NSUN7: variants seen among roughly 807,000 people sequenced by gnomAD.
The protein encoded by NSUN7 is protein NSUN7.
Under a neutral mutation model 58.5 loss-of-function variants are expected in NSUN7, and 39 were observed. The observed-to-expected ratio is 0.67, with a 90% CI of 0.52 to 0.87. The LOEUF (loss-of-function observed/expected upper bound fraction) is 0.87. Among genes scored for constraint, NSUN7 ranks in the 40% least tolerant of loss-of-function variants. NSUN7 has a pLI of 0.00. For missense variants in NSUN7, 765 were observed against 844.1 expected, an observed-to-expected ratio of 0.91 and a Z score of 1.16; for synonymous variants, 278 against 303.7, an observed-to-expected ratio of 0.92 and a Z score of 0.88.
chr4:40,799,209 C>T (rs370230317), intron 10 of NSUN7, among the ~76,000 whole-genome samples: 3 of 151,282 alleles, frequency 2.0e-5, no homozygotes, highest in Admixed American at 1.3e-4. Flanking sequence ...CCTCAGCCTC[C>T]CAAGTGGCTG....
intron 7 of NSUN7, chr4:40,786,135 G>A: frequency 6.3e-7 from 1 of 1,589,992 alleles, no homozygotes; most frequent in Non-Finnish European, 8.6e-7. Context: ...TATCAGACCA[G>A]ACTTCTATCC....
At chr4:40,801,079 G>GGGAGGGAGGGAT (rs1743559811) in intron 10 of NSUN7, among the ~76,000 whole-genome samples, 1 of 149,956 alleles carries the variant, frequency 6.7e-6, no homozygotes, top group East Asian at 2.0e-4. Context: ...GAGGGAGGGA[G>GGGAGGGAGGGAT]GGAGGAAGGT....
rs200264069 is a variant in NSUN7, at chr4:40,807,041, C to T, written c.1401-20C>T. 1 of 1,549,492 alleles carries T rather than the reference C, an allele frequency of 6.5e-7. No individual in the cohort carries two copies. The highest frequency in any genetic ancestry group is 8.7e-7 in the Non-Finnish European group (1 of 1,146,290). ...AAGAAGCCATTCTAACTGCTGAATGCTTGTTCCTGTCTGCTGCAGGCTTAG... is the reference window on the plus strand; with the variant it reads ...AAGAAGCCATTCTAACTGCTGAATGTTTGTTCCTGTCTGCTGCAGGCTTAG... On this transcript the variant is annotated intron_variant, in intron 10 of 11. Coordinates refer to ENST00000381782, the MANE Select transcript of NSUN7 (RefSeq NM_024677.6).
At position 40,756,257 on chromosome 4, in the gene NSUN7, C is replaced by A. The variant is rs138135388; in HGVS notation, c.299-4177C>A. Among the ~76,000 whole-genome samples, 385 of 152,312 alleles carry A rather than the reference C, an allele frequency of 2.5e-3. 3 individuals carry two copies. The highest frequency in any genetic ancestry group is 8.6e-3 in the African/African-American group (358 of 41,564). ...ACCCCAGTTCCTTCTTCCAATTTCA[C>A]CTGTCTGATAAACCCAATTTTTCTT... On this transcript the variant is annotated intron_variant, in intron 2 of 11. Coordinates refer to ENST00000381782, the MANE Select transcript of NSUN7 (RefSeq NM_024677.6).
At chr4:40,752,519 C>G (rs1484257046) in intron 2 of NSUN7, among the ~76,000 whole-genome samples, 1 of 152,192 alleles carries the variant, frequency 6.6e-6, no homozygotes, top group Non-Finnish European at 1.5e-5. Flanking sequence ...CTCCTGGGTT[C>G]ACGCCATTCT....
chr4:40,794,583 C>T lies in NSUN7; in HGVS notation c.1282+107C>T, dbSNP rs572794496. 9.9e-6 allele frequency: 6 copies of T among 608,286 alleles called. No individual in the cohort carries two copies. The East Asian group carries it at 1.2e-4, about 13-fold the overall frequency. 37.7% of individuals were successfully genotyped at this position (608,286 alleles called of 1,614,324 possible). On this transcript the variant is annotated intron_variant, in intron 9 of 11. Transcript: ENST00000381782. Reference sequence around the variant, plus strand: ...AGCAATGAAGTGTGAGCCATGAGCACATTTTCCAGAACATTCAGTCTTACT... The same window carrying T: ...AGCAATGAAGTGTGAGCCATGAGCATATTTTCCAGAACATTCAGTCTTACT...
Position 40,774,321 on chromosome 4 carries a change from T to C in NSUN7, c.545T>C (p.Leu182Pro). Reference sequence around the variant, plus strand: ...AGATGTCGAATCAAGCATGATGCCCTTTCAATTTACCACATCCTTCCAGAA... The same window carrying C: ...AGATGTCGAATCAAGCATGATGCCCCTTCAATTTACCACATCCTTCCAGAA... ...LARCRIKHDA[L>P]SIYHILPETV... Residue 182 changes from leucine to proline, a missense_variant, in exon 5 of 12, where the codon CTT becomes CCT. By Grantham distance (98) the Leu-to-Pro change is moderately conservative. Coordinates refer to ENST00000381782, the MANE Select transcript of NSUN7 (RefSeq NM_024677.6). The C allele has an allele frequency of 1.9e-6, 3 of 1,614,080 alleles. No homozygotes were observed. Among genetic ancestry groups the C allele is most frequent in the Non-Finnish European group, 2.5e-6 (3 of 1,179,918 alleles).
intron 9 of NSUN7, 36 bp downstream of exon 9, chr4:40,794,512 G>T (rs1225565076): frequency 8.0e-7 from 1 of 1,253,112 alleles, no homozygotes. Flanking sequence ...GTTAAAATAA[G>T]GTGTACATTT....
chr4:40,809,028 GA>G lies in NSUN7; in HGVS notation c.*90del. The G allele has an allele frequency of 7.6e-7, 1 of 1,311,492 alleles. No individual in the cohort carries two copies. Among genetic ancestry groups the G allele is most frequent in the Non-Finnish European group, 1.0e-6 (1 of 988,258 alleles). The allele number at this position is 1,311,492 out of a possible 1,614,324, so 81.2% of individuals were successfully genotyped here. A position where few individuals can be genotyped will look rare whatever the true frequency, so the allele number is the denominator to read the frequency against. ...CTGAAGATTCTACATCTCTACACAA[GA>G]TATTCATTCTTTTGGTCACCTAGGG... On this transcript the variant is annotated 3_prime_UTR_variant, in exon 12 of 12. Coordinates refer to ENST00000381782, the MANE Select transcript of NSUN7 (RefSeq NM_024677.6).
rs529539815 is a variant in NSUN7, at chr4:40,791,339, C to A, written c.1180+594C>A. Among the ~76,000 whole-genome samples, 3 of 152,208 alleles carry A rather than the reference C, an allele frequency of 2.0e-5. No individual in the cohort carries two copies. The East Asian group carries it at 5.8e-4, about 29-fold the overall frequency. ...TAAAATAATAATTATTTAACATTAACATTTATTGAGCACTTAGATGTAAGG... is the reference window on the plus strand; with the variant it reads ...TAAAATAATAATTATTTAACATTAAAATTTATTGAGCACTTAGATGTAAGG... On this transcript the variant is annotated intron_variant, in intron 8 of 11. Coordinates refer to ENST00000381782, the MANE Select transcript of NSUN7 (RefSeq NM_024677.6).
chr4:40,750,534 A>C, intron 1 of NSUN7, 69 bp from the exon 2 acceptor site: 2 of 790,870 alleles, frequency 2.5e-6, no homozygotes, highest in Non-Finnish European at 3.9e-6. Context: ...TAAGGCCACA[A>C]CGAAGGGGGC....
Position 40,761,275 on chromosome 4 carries a change from T to C in NSUN7, c.462T>C (p.Val154=), listed in dbSNP as rs573555047. 5 of 1,599,376 alleles carry C rather than the reference T, an allele frequency of 3.1e-6. No individual in the cohort carries two copies. The South Asian group carries it at 5.7e-5, about 18-fold the overall frequency. ...LSDNEEPISE[V]QEVENLLNSF... ...ATAATGAAGAGCCCATATCAGAAGT[T>C]CAAGAAGTAGAGAACCTTCTTAACA... The change falls in exon 4 of 12, where the codon GTT becomes GTC. Residue 154 remains valine (V), a synonymous_variant. Coordinates refer to ENST00000381782, the MANE Select transcript of NSUN7 (RefSeq NM_024677.6).
intron 8 of NSUN7, among the ~76,000 whole-genome samples, chr4:40,790,961 A>G (rs1743051435): frequency 6.6e-6 from 1 of 152,198 alleles, no homozygotes; most frequent in African/African-American, 2.4e-5. Context: ...AATATTTAAT[A>G]ATTGGAATAA....
rs150616225 is a variant in NSUN7, at chr4:40,757,611, T to C, written c.299-2823T>C. On this transcript the variant is annotated intron_variant, in intron 2 of 11. Coordinates refer to ENST00000381782, the MANE Select transcript of NSUN7 (RefSeq NM_024677.6). Reference sequence around the variant, plus strand: ...TACACATTGTGTGTATATATATACATTGTGTGTATATATATATACATTGTG... The same window carrying C: ...TACACATTGTGTGTATATATATACACTGTGTGTATATATATATACATTGTG... Among the ~76,000 whole-genome samples, 298 of 144,954 alleles carry C rather than the reference T, an allele frequency of 2.1e-3. 1 individual carries two copies. Among genetic ancestry groups the C allele is most frequent in the East Asian group, 7.4e-3 (37 of 5,024 alleles).
chr4:40,808,197 T>C (rs1274382010), intron 11 of NSUN7, 110 bp from the exon 12 acceptor site: 1 of 1,220,926 alleles, frequency 8.2e-7, no homozygotes, highest in Non-Finnish European at 1.1e-6. Context: ...CTTATTTCTT[T>C]TAGTATAATA....
chr4:40,788,402 G>A (rs918301873), intron 7 of NSUN7, among the ~76,000 whole-genome samples: 4 of 152,160 alleles, frequency 2.6e-5, no homozygotes, highest in African/African-American at 9.7e-5. Context: ...ATACCTAGAG[G>A]TCAGGAAGCT....
chr4:40,796,961 C>T (rs950848654), intron 9 of NSUN7, among the ~76,000 whole-genome samples: 10 of 152,156 alleles, frequency 6.6e-5, no homozygotes, highest in South Asian at 4.1e-4. Flanking sequence ...TGCCATCACA[C>T]GTTCACTCCT....
intron 4 of NSUN7, among the ~76,000 whole-genome samples, chr4:40,762,322 A>G (rs890348559): frequency 2.0e-5 from 3 of 152,254 alleles, no homozygotes; most frequent in African/African-American, 7.2e-5. Context: ...AGTACAATGT[A>G]GCAACAACAA....
At chr4:40,760,804 A>C (rs919715935) in intron 3 of NSUN7, among the ~76,000 whole-genome samples, 2 of 150,282 alleles carry the variant, frequency 1.3e-5, no homozygotes, top group Non-Finnish European at 3.0e-5. Context: ...CAGAGGTTGC[A>C]GTGAGCTAGA....
Sources: gnomAD v4.1 joint callset for allele counts (sites outside exome capture counted in the v4.1 genomes callset) on GRCh38, gnomAD v4.1.1 for gene constraint, MANE v1.5 for transcripts, NCBI Gene and HGNC (gene_info 2026-07-23, HGNC 2026-07-21) for gene names.